Variants in B3GALT5 observed in about 807,000 individuals in gnomAD.
B3GALT5 encodes beta-1,3-galactosyltransferase 5, also known as UDP-Gal:betaGlcNAc beta 1,3-galactosyltransferase, polypeptide 5.
For missense variants in B3GALT5, 328 were observed against 396.6 expected (o/e 0.83, Z 1.47); for synonymous variants, 156 against 158.6 (o/e 0.98, Z 0.12).
At chr21:39,629,187 A>G (rs1289619378) in intron 1 of B3GALT5, among the ~76,000 whole-genome samples, 2 of 152,030 alleles carry the variant, frequency 1.3e-5, no homozygotes, top group East Asian at 3.9e-4. Flanking sequence ...GCTAATTTCC[A>G]TATTTTTAGT....
intron 2 of B3GALT5, among the ~76,000 whole-genome samples, chr21:39,649,739 C>T (rs1298027691): frequency 6.6e-6 from 1 of 152,050 alleles, no homozygotes; most frequent in African/African-American, 2.4e-5. Flanking sequence ...GACGAGGAAC[C>T]GATCAGATAG....
intron 1 of B3GALT5, among the ~76,000 whole-genome samples, chr21:39,614,356 A>C (rs1282368697): frequency 1.3e-5 from 2 of 152,164 alleles, no homozygotes; most frequent in Non-Finnish European, 2.9e-5. Flanking sequence ...TTTAATAATA[A>C]TAAAAATCTG....
At chr21:39,627,251 C>T (rs567080627) in intron 1 of B3GALT5, among the ~76,000 whole-genome samples, 2 of 152,194 alleles carry the variant, frequency 1.3e-5, no homozygotes, top group Non-Finnish European at 2.9e-5. Flanking sequence ...CTCTGGGACA[C>T]TTTCCTGTGA....
chr21:39,622,147 C>G (rs2079137333), intron 1 of B3GALT5, among the ~76,000 whole-genome samples: 1 of 151,808 alleles, frequency 6.6e-6, no homozygotes, highest in African/African-American at 2.4e-5. Context: ...TTTTTTGAGG[C>G]CTACTTTTGA....
intron 1 of B3GALT5, among the ~76,000 whole-genome samples, chr21:39,624,991 A>T (rs987498003): frequency 1.3e-5 from 2 of 152,098 alleles, no homozygotes; most frequent in Non-Finnish European, 2.9e-5. Flanking sequence ...GAAAATGAGG[A>T]TTTTCCTCTG....
intron 1 of B3GALT5, among the ~76,000 whole-genome samples, chr21:39,618,071 C>T (rs918549395): frequency 6.6e-6 from 1 of 152,100 alleles, no homozygotes; most frequent in Non-Finnish European, 1.5e-5. Flanking sequence ...GGGAGGATTG[C>T]TTGGGTCCAG....
intron 1 of B3GALT5, among the ~76,000 whole-genome samples, chr21:39,617,518 A>G (rs2123681512): frequency 6.6e-6 from 1 of 152,310 alleles, no homozygotes; most frequent in South Asian, 2.1e-4. Flanking sequence ...TAAAACCATC[A>G]GATCTCATGA....
intron 1 of B3GALT5, among the ~76,000 whole-genome samples, chr21:39,622,476 T>C (rs2079139080): frequency 6.6e-6 from 1 of 152,072 alleles, no homozygotes; most frequent in Non-Finnish European, 1.5e-5. Flanking sequence ...TAATAATTTA[T>C]GGTGAATTGC....
chr21:39,644,106 GT>G (rs2079314967), intron 1 of B3GALT5, among the ~76,000 whole-genome samples: 1 of 152,156 alleles, frequency 6.6e-6, no homozygotes, highest in African/African-American at 2.4e-5. Context: ...CAATTTTCAT[GT>G]GAGAGGTGGG....
chr21:39,613,249 C>G (rs979323605), intron 1 of B3GALT5, among the ~76,000 whole-genome samples, 182 bp downstream of exon 1: 30 of 152,098 alleles, frequency 2.0e-4, no homozygotes, highest in African/African-American at 6.5e-4. Context: ...AAAATTGTTA[C>G]AGACCAAATG....
intron 1 of B3GALT5, among the ~76,000 whole-genome samples, chr21:39,645,278 TC>T (rs1371578930): frequency 6.6e-6 from 1 of 152,164 alleles, no homozygotes; most frequent in African/African-American, 2.4e-5. Context: ...GAGACAACTT[TC>T]TCAGCTGATG....
chr21:39,656,397 G>T (rs1405153235), intron 2 of B3GALT5, among the ~76,000 whole-genome samples: 2 of 152,114 alleles, frequency 1.3e-5, no homozygotes, highest in Non-Finnish European at 1.5e-5. Flanking sequence ...CCCATCCCCT[G>T]GTTCCACCTG....
intron 1 of B3GALT5, among the ~76,000 whole-genome samples, chr21:39,641,528 C>T (rs373802226): frequency 7.2e-5 from 11 of 152,138 alleles, no homozygotes; most frequent in Admixed American, 2.6e-4. Context: ...CCCTTTACCG[C>T]GTTTTTTAAT....
At chr21:39,640,645 A>G (rs1164313776) in intron 1 of B3GALT5, among the ~76,000 whole-genome samples, 1 of 151,956 alleles carries the variant, frequency 6.6e-6, no homozygotes, top group Non-Finnish European at 1.5e-5. Context: ...AAAATGAATT[A>G]TTTGATGATA....
intron 1 of B3GALT5, among the ~76,000 whole-genome samples, chr21:39,639,402 T>TTTC (rs1569212395): frequency 1.4e-3 from 77 of 53,306 alleles, no homozygotes; most frequent in African/African-American, 5.4e-3. Context: ...TTCTTTCTTT[T>TTTC]TCTTTCTTTC....
chr21:39,632,535 G>C (rs2079198869), intron 1 of B3GALT5, among the ~76,000 whole-genome samples: 1 of 152,124 alleles, frequency 6.6e-6, no homozygotes, highest in Non-Finnish European at 1.5e-5. Context: ...ATGTTTTTTG[G>C]GGATGAAATT....
Position 39,661,816 on chromosome 21 carries a change from C to T in B3GALT5, c.*324C>T, listed in dbSNP as rs1359628385. The T allele has an allele frequency of 9.2e-6, 2 of 217,016 alleles. No individual in the cohort carries two copies. Among genetic ancestry groups the T allele is most frequent in the African/African-American group, 4.6e-5 (2 of 43,388 alleles). The allele number at this position is 217,016 out of a possible 1,614,324, so 13.4% of individuals were successfully genotyped here. A position where few individuals can be genotyped will look rare whatever the true frequency, so the allele number is the denominator to read the frequency against. The stretch of plus-strand genomic sequence containing the variant: ...AAGGACACAGCAGCTGCGAGAGGTA[C>T]AGAAACTTGTCCCAAGGCTCACAGC... On this transcript the variant is annotated 3_prime_UTR_variant, in exon 4 of 4. Coordinates refer to ENST00000684187, the MANE Select transcript of B3GALT5 (RefSeq NM_001356336.2). The surrounding 1 kb of genome is among the most constrained non-coding windows in gnomAD (Gnocchi z 4.7).
rs1330937044 is a variant in B3GALT5 at position 39,664,851 on chromosome 21, T to A, written c.*3359T>A. 2 of 152,634 alleles carry A rather than the reference T, an allele frequency of 1.3e-5. No individual in the cohort carries two copies. The highest frequency in any genetic ancestry group is 4.2e-4 in the South Asian group (2 of 4,778). 9.5% of individuals were successfully genotyped at this position (152,634 alleles called of 1,614,324 possible). A position where few individuals can be genotyped will look rare whatever the true frequency, so the allele number is the denominator to read the frequency against. On this transcript the variant is annotated 3_prime_UTR_variant, in exon 4 of 4. Transcript: ENST00000684187. ...TCCTCCTTGCTGCTCGCCTTTTCCA[T>A]CTCCCCTGCTTGCTCCTTCTCTTTG... is the stretch of plus-strand genomic sequence containing the variant.
At position 39,669,817 on chromosome 21, in the gene B3GALT5, T is replaced by C. The variant is rs1416042713; in HGVS notation, c.*8325T>C. The stretch of plus-strand genomic sequence containing the variant: ...CGCGAGCAGCCTTGCTTTTCTCCAC[T>C]TGGCACAGTGGTGAGTCCTCCGATG... On this transcript the variant is annotated 3_prime_UTR_variant, in exon 4 of 4. Transcript: ENST00000684187. The C allele has an allele frequency of 6.6e-6, 1 of 152,222 alleles. No individual in the cohort carries two copies. Among genetic ancestry groups the C allele is most frequent in the African/African-American group, 2.4e-5 (1 of 41,446 alleles). The allele number at this position is 152,222 out of a possible 1,614,324, so 9.4% of individuals were successfully genotyped here. A position where few individuals can be genotyped will look rare whatever the true frequency, so the allele number is the denominator to read the frequency against.
Sources: allele counts gnomAD v4.1 joint callset (sites outside exome capture counted in the v4.1 genomes callset), GRCh38; gene constraint gnomAD v4.1.1; non-coding constraint Gnocchi (gnomAD v3.1); transcripts MANE v1.5; gene names NCBI Gene and HGNC (gene_info 2026-07-23, HGNC 2026-07-21).